FAT1: variants seen among roughly 807,000 people sequenced by gnomAD.
The protein encoded by FAT1 is protocadherin Fat 1.
In FAT1, 171 loss-of-function variants were observed where a neutral mutation model predicts 329.8. The ratio of observed to expected loss-of-function variants is 0.52; its 90% CI spans 0.46 to 0.59. The LOEUF (loss-of-function observed/expected upper bound fraction) is 0.59, where lower values mean the gene tolerates loss of function less well. Ranked by LOEUF, FAT1 falls within the 20% of genes least tolerant of loss-of-function variation. FAT1 has a pLI of 0.00. For synonymous variants in FAT1, 2,233 were observed against 2,228.6 expected (o/e 1.00, Z -0.06); for missense variants, 5,672 against 5,774.4 (o/e 0.98, Z 0.57).
At position 186,604,559 on chromosome 4, in the gene FAT1, C is replaced by T. The variant is rs1739002467; in HGVS notation, c.10366G>A (p.Gly3456Ser). 1.2e-6 allele frequency: 2 copies of T among 1,606,050 alleles called. No individual in the cohort carries two copies. The highest frequency in any genetic ancestry group is 2.2e-5 in the East Asian group (1 of 44,842). The change falls in exon 18 of 27, where the codon GGC (glycine) becomes AGC (serine). Residue 3456 changes from glycine (G) to serine (S), a missense_variant. Transcript: ENST00000441802. ...SVIIQENKPVGFSVLQLVVTD... is the reference protein window; with the variant it reads ...SVIIQENKPVSFSVLQLVVTD... Reference sequence around the variant, plus strand: ...ACTACCAGCTGCAGCACGCTGAAGCCCACTGGCTTATTTTCCTGCACAAGA... The same window carrying T: ...ACTACCAGCTGCAGCACGCTGAAGCTCACTGGCTTATTTTCCTGCACAAGA...
At chr4:186,648,270 A>G (rs1741472282) in intron 3 of FAT1, among the ~76,000 whole-genome samples, 1 of 152,158 alleles carries the variant, frequency 6.6e-6, no homozygotes, top group Non-Finnish European at 1.5e-5. Context: ...TGGGCATATT[A>G]CTCAAATAAA....
intron 9 of FAT1, 84 bp downstream of exon 9, chr4:186,628,070 A>T: frequency 1.4e-6 from 2 of 1,420,318 alleles, no homozygotes; most frequent in African/African-American, 1.4e-5. Context: ...GAAATGCTTC[A>T]ATACCCAGAA....
chr4:186,690,311 T>G (rs185547608), intron 2 of FAT1, among the ~76,000 whole-genome samples: 48 of 152,250 alleles, frequency 3.2e-4, no homozygotes, highest in African/African-American at 7.9e-4. Context: ...CCCCAAAAGA[T>G]TCCAGCATAG....
At chr4:186,593,269 T>G (rs569946492) in intron 26 of FAT1, among the ~76,000 whole-genome samples, 1 of 152,368 alleles carries the variant, frequency 6.6e-6, no homozygotes, top group South Asian at 2.1e-4. Context: ...TGTTTGCAGA[T>G]GGACTAATCG....
At chr4:186,611,043 G>A (rs1739420606) in intron 14 of FAT1, among the ~76,000 whole-genome samples, 1 of 152,114 alleles carries the variant, frequency 6.6e-6, no homozygotes, top group Non-Finnish European at 1.5e-5. Flanking sequence ...CCATGAGTCT[G>A]ATTACATAAG....
At chr4:186,700,553 A>G (rs1477802292) in intron 2 of FAT1, among the ~76,000 whole-genome samples, 3 of 152,190 alleles carry the variant, frequency 2.0e-5, no homozygotes, top group African/African-American at 7.2e-5. Flanking sequence ...CAAGCATCGA[A>G]TCTAGGATTC....
At chr4:186,675,021 G>A (rs1447611940) in intron 2 of FAT1, among the ~76,000 whole-genome samples, 2 of 152,090 alleles carry the variant, frequency 1.3e-5, no homozygotes, top group South Asian at 2.1e-4. Flanking sequence ...GCAACAGAGT[G>A]AGACCTTGTC....
chr4:186,599,882 A>G lies in FAT1; in HGVS notation c.12103+16T>C, dbSNP rs1738711877. ...CACGTGCAGCATTTTAAAGATGGCAACATTACGGAGCCCACCTCCAGCAGG... is the reference window on the plus strand; with the variant it reads ...CACGTGCAGCATTTTAAAGATGGCAGCATTACGGAGCCCACCTCCAGCAGG... On this transcript the variant is annotated intron_variant, in intron 22 of 26. Coordinates refer to ENST00000441802, the MANE Select transcript of FAT1 (RefSeq NM_005245.4). The G allele has an allele frequency of 1.9e-6, 3 of 1,592,952 alleles. No homozygotes were observed. The highest frequency in any genetic ancestry group is 1.7e-6 in the Non-Finnish European group (2 of 1,166,480).
At chr4:186,650,798 A>C (rs565302652) in intron 3 of FAT1, among the ~76,000 whole-genome samples, 23 of 152,172 alleles carry the variant, frequency 1.5e-4, no homozygotes, top group South Asian at 4.1e-4. Flanking sequence ...TTTACAGGAC[A>C]TGTGTTACAA....
rs752242300 is a variant in FAT1 at position 186,622,812 on chromosome 4, C to T, written c.4811-1037G>A. Among the ~76,000 whole-genome samples, 10 of 152,324 alleles carry T rather than the reference C, an allele frequency of 6.6e-5. No individual in the cohort carries two copies. In the East Asian group the frequency reaches 1.7e-3, roughly 26 times the overall value. ...GTTTCATGAACAAGCACCCAGAATT[C>T]ACCATCCCTGTCATAGCACAGAATT... On this transcript the variant is annotated intron_variant, in intron 9 of 26. Coordinates refer to ENST00000441802, the MANE Select transcript of FAT1 (RefSeq NM_005245.4).
chr4:186,643,178 G>C (rs968548873), intron 3 of FAT1, among the ~76,000 whole-genome samples: 1 of 152,106 alleles, frequency 6.6e-6, no homozygotes, highest in Non-Finnish European at 1.5e-5. Context: ...GCAGCCCCCA[G>C]GGGCCGGTGA....
chr4:186,602,021 A>G (rs970082940), intron 20 of FAT1, among the ~76,000 whole-genome samples: 2 of 152,242 alleles, frequency 1.3e-5, no homozygotes, highest in South Asian at 4.1e-4. Flanking sequence ...CAAATAACCC[A>G]GACCATCAAA....
chr4:186,629,423 G>GA (rs1740482280), intron 7 of FAT1, among the ~76,000 whole-genome samples: 2 of 152,054 alleles, frequency 1.3e-5, no homozygotes, highest in Admixed American at 1.3e-4. Context: ...ACCTTTAGAG[G>GA]AAAAAAGCAA....
At position 186,603,637 on chromosome 4, in the gene FAT1, T is replaced by A. The variant is rs372958192; in HGVS notation, c.10889A>T (p.His3630Leu). Residue 3630 changes from histidine to leucine, a missense_variant, in exon 19 of 27, where the codon CAT becomes CTT. By Grantham distance (99) the His-to-Leu change is moderately conservative. Transcript: ENST00000441802. ...KFTTVADITV[H>L]IRQVTQEMLN... is the part of the protein sequence containing the mutation. ...CATCTCCTGTGTGACTTGTCTGATA[T>A]GCACTGTGATGTCGGCCACCGTCGT... is the stretch of plus-strand genomic sequence containing the variant. The A allele has an allele frequency of 6.2e-7, 1 of 1,614,020 alleles. No homozygotes were observed. The highest frequency in any genetic ancestry group is 1.3e-5 in the African/African-American group (1 of 75,054).
intron 24 of FAT1, 123 bp downstream of exon 24, chr4:186,597,559 C>G (rs1484343158): frequency 4.5e-6 from 3 of 669,394 alleles, no homozygotes; most frequent in Non-Finnish European, 7.9e-6. Context: ...ATATAAGGGG[C>G]CAATATGAGG....
rs746897734 is a variant in FAT1, at chr4:186,619,629, T to C, written c.6957A>G (p.Ser2319=). The C allele has an allele frequency of 1.9e-6, 3 of 1,613,962 alleles. No individual in the cohort carries two copies. Among genetic ancestry groups the C allele is most frequent in the South Asian group, 1.1e-5 (1 of 91,086 alleles). Residue 2319 remains serine (S), a synonymous_variant, in exon 10 of 27, where the codon TCA becomes TCG. Transcript: ENST00000441802. ...TGCTGTGATTCCCAAACATCTGGTA[T>C]GAGATTCCTCTATTTGGTTCTGAAT... is the stretch of plus-strand genomic sequence containing the variant. The part of the protein sequence containing the change: ...DSDSEPNRGI[S]YQMFGNHSKS...
At position 186,628,381 on chromosome 4, in the gene FAT1, C is replaced by T. The variant is rs1375125562; in HGVS notation, c.4600-17G>A. ...ATCTCGTACCTAAAAAGAATTGACACATTATCAATCCCATTGGTGCTTTCC... is the reference window on the plus strand; with the variant it reads ...ATCTCGTACCTAAAAAGAATTGACATATTATCAATCCCATTGGTGCTTTCC... On this transcript the variant is annotated splice_polypyrimidine_tract_variant and intron_variant, in intron 8 of 26. Transcript: ENST00000441802. The T allele has an allele frequency of 6.2e-7, 1 of 1,610,808 alleles. No homozygotes were observed. The highest frequency in any genetic ancestry group is 1.1e-5 in the South Asian group (1 of 90,692).
intron 26 of FAT1, among the ~76,000 whole-genome samples, chr4:186,594,137 C>T (rs1738378382): frequency 6.6e-6 from 1 of 151,998 alleles, no homozygotes; most frequent in Non-Finnish European, 1.5e-5. Context: ...GTGACCTCAG[C>T]TCACTGCAAG....
intron 2 of FAT1, among the ~76,000 whole-genome samples, chr4:186,667,736 A>C (rs1742524789): frequency 6.6e-6 from 1 of 152,252 alleles, no homozygotes; most frequent in Non-Finnish European, 1.5e-5. Context: ...TGGAAGTTGC[A>C]TGATTTTCAT....
Sources: gnomAD v4.1 joint callset for allele counts (sites outside exome capture counted in the v4.1 genomes callset) on GRCh38, gnomAD v4.1.1 for gene constraint, MANE v1.5 for transcripts, NCBI Gene and HGNC (gene_info 2026-07-23, HGNC 2026-07-21) for gene names.